SAXO1: variants seen among roughly 807,000 people sequenced by gnomAD.
SAXO1 encodes 4930500O09Rik.
In SAXO1, 21 loss-of-function variants were observed where a neutral mutation model predicts 17.5. That is an observed-to-expected ratio of 1.20 (90% confidence interval 0.85 to 1.72). The LOEUF (loss-of-function observed/expected upper bound fraction) is 1.72, where lower values mean the gene tolerates loss of function less well. Among genes scored for constraint, SAXO1 ranks in the 40% most tolerant of loss-of-function variants. The probability of loss-of-function intolerance (pLI) is 0.00; values close to 1 mark genes in which losing one functional copy is unlikely to be tolerated. For synonymous variants in SAXO1, 274 were observed against 216.5 expected, an observed-to-expected ratio of 1.27 and a Z score of -2.33; for missense variants, 843 against 596.0, an observed-to-expected ratio of 1.41 and a Z score of -4.32.
chr9:19,026,950 T>C (rs1835499014), intron 1 of SAXO1: 3 of 871,180 alleles, frequency 3.4e-6, no homozygotes, highest in East Asian at 5.3e-5. Context: ...GTGCTCAACA[T>C]GTCCACGGAG....
intron 1 of SAXO1, among the ~76,000 whole-genome samples, chr9:19,012,293 G>A (rs1033043209): frequency 1.3e-5 from 2 of 152,230 alleles, no homozygotes; most frequent in Non-Finnish European, 2.9e-5. Flanking sequence ...CCATCTGGGG[G>A]TTAAGAGCTA....
intron 2 of SAXO1, 107 bp from the exon 3 acceptor site, chr9:18,941,946 T>G: frequency 9.9e-7 from 1 of 1,011,204 alleles, no homozygotes; most frequent in Non-Finnish European, 1.5e-6. Flanking sequence ...CCTGTTCTAC[T>G]CTACCTGCCT....
rs530222546 is a variant in SAXO1, at chr9:18,976,860, G to A, written c.39-25923C>T. 4.6e-5 allele frequency among the ~76,000 whole-genome samples: 7 copies of A among 152,296 alleles called. No individual in the cohort carries two copies. The East Asian group carries it at 5.8e-4, about 13-fold the overall frequency. ...TGCACACGTGTGCACACAGCCTGCC[G>A]TCCTCCAGCTACACCAAGTGAAAGT... On this transcript the variant is annotated intron_variant, in intron 1 of 3. Transcript: ENST00000380534.
chr9:19,014,004 C>T (rs1253548264), intron 1 of SAXO1, among the ~76,000 whole-genome samples: 1 of 151,984 alleles, frequency 6.6e-6, no homozygotes, highest in African/African-American at 2.4e-5. Flanking sequence ...TTAATAACAA[C>T]GTATGAATAA....
upstream of SAXO1, among the ~76,000 whole-genome samples, chr9:19,037,240 T>G (rs1056397944): frequency 6.6e-6 from 1 of 152,200 alleles, no homozygotes; most frequent in Non-Finnish European, 1.5e-5. Flanking sequence ...AGATGAAATT[T>G]TGGACTGTGG....
intron 1 of SAXO1, among the ~76,000 whole-genome samples, chr9:19,026,629 A>T (rs921513110): frequency 2.0e-5 from 3 of 152,252 alleles, no homozygotes; most frequent in Non-Finnish European, 4.4e-5. Flanking sequence ...CGAATTTCCA[A>T]ACTAAGCAAT....
intron 1 of SAXO1, among the ~76,000 whole-genome samples, chr9:19,001,903 A>C (rs1299177826): frequency 6.6e-6 from 1 of 152,166 alleles, no homozygotes; most frequent in African/African-American, 2.4e-5. Flanking sequence ...TCAGAGCAGA[A>C]ATGAAGGAGA....
intron 1 of SAXO1, among the ~76,000 whole-genome samples, chr9:19,012,925 A>G (rs1834812688): frequency 6.6e-6 from 1 of 152,166 alleles, no homozygotes; most frequent in Non-Finnish European, 1.5e-5. Context: ...TGCACCAACA[A>G]AAAGCACCAT....
At chr9:19,019,090 C>T (rs1040393096) in intron 1 of SAXO1, among the ~76,000 whole-genome samples, 13 of 150,922 alleles carry the variant, frequency 8.6e-5, no homozygotes, top group Admixed American at 2.6e-4. Flanking sequence ...GCCTGGGCAA[C>T]AAGAGTGAAA....
chr9:18,964,836 A>C (rs1832648813), intron 1 of SAXO1, among the ~76,000 whole-genome samples: 1 of 152,030 alleles, frequency 6.6e-6, no homozygotes, highest in African/African-American at 2.4e-5. Flanking sequence ...TAGTTCTTTT[A>C]ATTGTGATGT....
intron 1 of SAXO1, among the ~76,000 whole-genome samples, chr9:18,958,189 T>G (rs1040590947): frequency 6.6e-6 from 1 of 152,110 alleles, no homozygotes; most frequent in Non-Finnish European, 1.5e-5. Flanking sequence ...ATTGGGAGGC[T>G]GAGGTGGGTG....
At position 18,932,240 on chromosome 9, in the gene SAXO1, T is replaced by G. The variant is rs529331252; in HGVS notation, c.422-3185A>C. Among the ~76,000 whole-genome samples, 189 of 152,374 alleles carry G rather than the reference T, an allele frequency of 1.2e-3. 1 individual carries two copies. The highest frequency in any genetic ancestry group is 4.4e-3 in the African/African-American group (181 of 41,592). Reference sequence around the variant, plus strand: ...TTTGGATGCGGTAACTTCGTCTTTTTGCATGTGGATATCCAACTGTCCCAG... The same window carrying G: ...TTTGGATGCGGTAACTTCGTCTTTTGGCATGTGGATATCCAACTGTCCCAG... On this transcript the variant is annotated intron_variant, in intron 3 of 3. Transcript: ENST00000380534.
At chr9:18,947,957 CTT>C (rs1020486392) in intron 2 of SAXO1, among the ~76,000 whole-genome samples, 2 of 152,200 alleles carry the variant, frequency 1.3e-5, no homozygotes, top group Non-Finnish European at 2.9e-5. Context: ...GACCACGTGA[CTT>C]TTTCATTCAG....
chr9:19,019,096 T>A (rs1384397892), intron 1 of SAXO1, among the ~76,000 whole-genome samples: 4 of 150,292 alleles, frequency 2.7e-5, no homozygotes, highest in Non-Finnish European at 5.9e-5. Context: ...GCAACAAGAG[T>A]GAAACTCCAT....
chr9:19,010,299 G>T lies in SAXO1; in HGVS notation c.38+22572C>A, dbSNP rs1162155786. 2.0e-5 allele frequency among the ~76,000 whole-genome samples: 3 copies of T among 152,218 alleles called. No homozygotes were observed. The East Asian group carries it at 5.8e-4, about 29-fold the overall frequency. ...AGTAGAGGGGTGGCCCTGGCACATGGTCATGGCCACATTTTTAGGGCTGGA... is the reference window on the plus strand; with the variant it reads ...AGTAGAGGGGTGGCCCTGGCACATGTTCATGGCCACATTTTTAGGGCTGGA... On this transcript the variant is annotated intron_variant, in intron 1 of 3. Transcript: ENST00000380534.
intron 1 of SAXO1, among the ~76,000 whole-genome samples, chr9:19,005,393 T>C (rs1231711128): frequency 2.6e-5 from 4 of 152,098 alleles, no homozygotes; most frequent in South Asian, 4.1e-4. Flanking sequence ...TACAAAGCTA[T>C]GTAATCAAAA....
rs115454908 is a variant in SAXO1 at position 19,029,020 on chromosome 9, A to C, written c.38+3851T>G. 4.3e-3 allele frequency among the ~76,000 whole-genome samples: 662 copies of C among 152,314 alleles called. 5 individuals carry two copies. The highest frequency in any genetic ancestry group is 0.015 in the African/African-American group (619 of 41,562). On this transcript the variant is annotated intron_variant, in intron 1 of 3. Transcript: ENST00000380534. Reference sequence around the variant, plus strand: ...TGATTTGGTTTAACCCGCAGTGAGAATTGATCAGGAAACGTCTGCCATCTT... The same window carrying C: ...TGATTTGGTTTAACCCGCAGTGAGACTTGATCAGGAAACGTCTGCCATCTT...
chr9:19,017,037 G>A (rs1835005082), intron 1 of SAXO1, among the ~76,000 whole-genome samples: 1 of 151,990 alleles, frequency 6.6e-6, no homozygotes, highest in South Asian at 2.1e-4. Context: ...GGCCTGGCAT[G>A]GTGGCTCATG....
intron 1 of SAXO1, among the ~76,000 whole-genome samples, chr9:19,004,288 A>T (rs937326588): frequency 6.6e-6 from 1 of 152,190 alleles, no homozygotes; most frequent in African/African-American, 2.4e-5. Context: ...TGTTGGTGGG[A>T]ATGTAAATTA....
Sources: allele counts gnomAD v4.1 joint callset (sites outside exome capture counted in the v4.1 genomes callset), GRCh38; gene constraint gnomAD v4.1.1; transcripts MANE v1.5; gene names NCBI Gene and HGNC (gene_info 2026-07-23, HGNC 2026-07-21).